Variants in PUM2 observed in about 807,000 individuals in gnomAD.
The protein encoded by PUM2 is pumilio RNA binding family member 2.
In PUM2, 57 loss-of-function variants were observed where a neutral mutation model predicts 124.5. The observed-to-expected ratio is 0.46, with a 90% confidence interval of 0.37 to 0.57. The LOEUF is 0.57. Among genes scored for constraint, PUM2 ranks in the 20% least tolerant of loss-of-function variants. The pLI is 0.00. For synonymous variants in PUM2, 460 were observed against 446.1 expected (o/e 1.03, Z -0.39); for missense variants, 1,065 against 1,290.6 (o/e 0.83, Z 2.68).
chr2:20,263,161 A>C, intron 14 of PUM2, 32 bp downstream of exon 14: 1 of 1,543,794 alleles, frequency 6.5e-7, no homozygotes. Flanking sequence ...TTTCAAAGCA[A>C]AAATGAAGTG....
intron 2 of PUM2, among the ~76,000 whole-genome samples, chr2:20,322,076 C>A (rs1682515323): frequency 6.6e-6 from 1 of 151,982 alleles, no homozygotes; most frequent in Non-Finnish European, 1.5e-5. Context: ...CCTAAACCAA[C>A]CAAATAAACA....
Position 20,350,634 on chromosome 2 carries a change from C to G in PUM2, c.-56G>C, listed in dbSNP as rs936770965. The G allele has an allele frequency of 1.3e-5, 13 of 985,390 alleles. No individual in the cohort carries two copies. Among genetic ancestry groups the G allele is most frequent in the African/African-American group, 1.7e-5 (1 of 57,222 alleles). 61.0% of individuals were successfully genotyped at this position (985,390 alleles called of 1,614,324 possible). On this transcript the variant is annotated 5_prime_UTR_variant, in exon 1 of 21. Coordinates refer to ENST00000361078, the MANE Select transcript of PUM2 (RefSeq NM_015317.5). ...GCCGCGCTGCCTCAGCCGGGGACAC[C>G]GACCGTTGGGCACACGGCGGCGTCG...
chr2:20,288,793 T>C (rs988799070), intron 10 of PUM2, among the ~76,000 whole-genome samples: 1 of 152,162 alleles, frequency 6.6e-6, no homozygotes, highest in Non-Finnish European at 1.5e-5. Context: ...ATGAGAATTA[T>C]TTCATCATCA....
At chr2:20,326,363 G>GA in intron 2 of PUM2, 1 of 1,304,246 alleles carries the variant, frequency 7.7e-7, no homozygotes, top group African/African-American at 1.5e-5. Flanking sequence ...GCCCAAAGGA[G>GA]AGACTTGGAC....
chr2:20,325,675 G>A (rs941177909), intron 2 of PUM2, among the ~76,000 whole-genome samples: 50 of 150,646 alleles, frequency 3.3e-4, no homozygotes, highest in African/African-American at 1.1e-3. Flanking sequence ...AGGCCAGAGA[G>A]CAGTGGTGCA....
At chr2:20,349,782 G>A (rs1332995123) in intron 1 of PUM2, among the ~76,000 whole-genome samples, 2 of 152,126 alleles carry the variant, frequency 1.3e-5, no homozygotes, top group Admixed American at 6.5e-5. Context: ...AAATCTCAAA[G>A]TACTAAGTCC....
intron 7 of PUM2, among the ~76,000 whole-genome samples, chr2:20,298,043 G>A (rs1440880914): frequency 6.6e-6 from 1 of 152,134 alleles, no homozygotes; most frequent in Non-Finnish European, 1.5e-5. Flanking sequence ...AACTGCTACT[G>A]GTAAATAGTA....
chr2:20,264,840 A>G (rs534269050), intron 13 of PUM2, among the ~76,000 whole-genome samples: 9 of 152,222 alleles, frequency 5.9e-5, no homozygotes, highest in South Asian at 2.1e-4. Context: ...AGAGAGCAGT[A>G]AAACAGTCAA....
Position 20,248,992 on chromosome 2 carries a change from G to A in PUM2, c.*2593C>T, listed in dbSNP as rs1662645823. The stretch of plus-strand genomic sequence containing the variant: ...CAACTTACTAAAAGGTAAAAATTGG[G>A]GTGGGCACCCAAAATGGCAGACTGT... On this transcript the variant is annotated 3_prime_UTR_variant, in exon 21 of 21. Coordinates refer to ENST00000361078, the MANE Select transcript of PUM2 (RefSeq NM_015317.5). 6.6e-6 allele frequency: 1 copy of A among 152,112 alleles called. No individual in the cohort carries two copies. The highest frequency in any genetic ancestry group is 6.6e-5 in the Admixed American group (1 of 15,260). The allele number at this position is 152,112 out of a possible 1,614,324, so 9.4% of individuals were successfully genotyped here.
chr2:20,331,466 G>A (rs1168257829), intron 1 of PUM2, among the ~76,000 whole-genome samples: 3 of 152,026 alleles, frequency 2.0e-5, no homozygotes, highest in South Asian at 2.1e-4. Context: ...ACTGAGCTTC[G>A]GCCAGTAGCC....
chr2:20,281,089 A>C (rs557003971), intron 12 of PUM2, among the ~76,000 whole-genome samples: 1 of 152,296 alleles, frequency 6.6e-6, no homozygotes, highest in East Asian at 1.9e-4. Context: ...GCAGTGTGCA[A>C]ACTTGTAAGA....
intron 3 of PUM2, 112 bp from the exon 4 acceptor site, chr2:20,312,535 T>C (rs1466865504): frequency 1.0e-6 from 1 of 989,216 alleles, no homozygotes; most frequent in East Asian, 2.6e-5. Flanking sequence ...ATTTTGAATG[T>C]TATTACTATA....
chr2:20,326,950 T>C (rs1014845512), intron 2 of PUM2, among the ~76,000 whole-genome samples: 10 of 152,080 alleles, frequency 6.6e-5, no homozygotes, highest in African/African-American at 2.2e-4. Flanking sequence ...GAAGGGAGAA[T>C]AGTAAAACAA....
intron 2 of PUM2, among the ~76,000 whole-genome samples, chr2:20,321,457 T>C (rs1682347641): frequency 6.6e-6 from 1 of 152,152 alleles, no homozygotes; most frequent in Non-Finnish European, 1.5e-5. Context: ...GAAAATTTAA[T>C]AGTTGAAATT....
chr2:20,343,783 G>A (rs1241170731), intron 1 of PUM2, among the ~76,000 whole-genome samples: 1 of 152,164 alleles, frequency 6.6e-6, no homozygotes, highest in South Asian at 2.1e-4. Context: ...AAAATAACTA[G>A]TTGGGTATGA....
intron 7 of PUM2, among the ~76,000 whole-genome samples, chr2:20,306,643 C>T (rs114687447): frequency 0.011 from 1,592 of 144,308 alleles, 31 homozygotes; most frequent in African/African-American, 0.039. Context: ...GAGTCTCTCT[C>T]TGTCACCCAG....
At chr2:20,264,838 G>A (rs1318408617) in intron 13 of PUM2, among the ~76,000 whole-genome samples, 1 of 152,204 alleles carries the variant, frequency 6.6e-6, no homozygotes, top group Non-Finnish European at 1.5e-5. Context: ...ACAGAGAGCA[G>A]TAAAACAGTC....
At chr2:20,311,323 G>A (rs1679550422) in intron 5 of PUM2, among the ~76,000 whole-genome samples, 171 bp downstream of exon 5, 1 of 151,980 alleles carries the variant, frequency 6.6e-6, no homozygotes, top group African/African-American at 2.4e-5. Flanking sequence ...TTTTAAAATG[G>A]TTCATAATCA....
chr2:20,304,018 A>C (rs1677625503), intron 7 of PUM2, among the ~76,000 whole-genome samples: 1 of 152,176 alleles, frequency 6.6e-6, no homozygotes, highest in Non-Finnish European at 1.5e-5. Context: ...TGTTTGAAAC[A>C]TTATCTTACA....
Sources: allele counts gnomAD v4.1 joint callset (sites outside exome capture counted in the v4.1 genomes callset), GRCh38; gene constraint gnomAD v4.1.1; transcripts MANE v1.5; gene names NCBI Gene and HGNC (gene_info 2026-07-23, HGNC 2026-07-21).